Variants in PLEKHG2 observed in about 807,000 individuals in gnomAD.
PLEKHG2 encodes pleckstrin homology domain-containing family G member 2.
Under a neutral mutation model 104.4 loss-of-function variants are expected in PLEKHG2, and 71 were observed. The ratio of observed to expected loss-of-function variants is 0.68; its 90% CI spans 0.56 to 0.83. The LOEUF (loss-of-function observed/expected upper bound fraction) is 0.83, where lower values mean the gene tolerates loss of function less well. PLEKHG2 is among the 40% of genes least tolerant of loss of function. The probability of loss-of-function intolerance (pLI) is 0.00; values close to 1 mark genes in which losing one functional copy is unlikely to be tolerated. For synonymous variants in PLEKHG2, 728 were observed against 737.0 expected, an observed-to-expected ratio of 0.99 and a Z score of 0.20; for missense variants, 1,730 against 1,809.4, an observed-to-expected ratio of 0.96 and a Z score of 0.80.
intron 16 of PLEKHG2, chr19:39,421,765 C>T (rs1177574563): frequency 4.4e-6 from 1 of 224,878 alleles, no homozygotes; most frequent in Middle Eastern, 1.6e-3. Context: ...ACCTGTAATC[C>T]CAGCACTTTG....
At position 39,412,862 on chromosome 19, in the gene PLEKHG2, G is replaced by C. The variant is rs2078542004; in HGVS notation, c.-573G>C. 2 of 152,340 alleles carry C rather than the reference G, an allele frequency of 1.3e-5. No homozygotes were observed. The highest frequency in any genetic ancestry group is 4.1e-4 in the South Asian group (2 of 4,836). The allele number at this position is 152,340 out of a possible 1,614,324, so 9.4% of individuals were successfully genotyped here. On this transcript the variant is annotated 5_prime_UTR_variant, in exon 1 of 19. Transcript: ENST00000425673. ...GCGCCCCCTCCTGGAGCAGCCGGGA[G>C]CCCGGACGTCACCCCGCGAGACCCT...
intron 11 of PLEKHG2, among the ~76,000 whole-genome samples, chr19:39,420,283 C>T (rs978538181): frequency 1.3e-5 from 2 of 151,566 alleles, no homozygotes; most frequent in African/African-American, 4.9e-5. Flanking sequence ...CGCTTGAACC[C>T]AGGAGGCAGA....
At position 39,416,572 on chromosome 19, in the gene PLEKHG2, A is replaced by C; in HGVS notation, c.568A>C (p.Thr190Pro). The part of the protein sequence containing the change: ...VQRSEDFDIY[T>P]LYCMNYPSSL... ...GCAGAGCGAGGATTTTGACATCTACACATTGTACTGCATGAACTACCCGAG... is the reference window on the plus strand; with the variant it reads ...GCAGAGCGAGGATTTTGACATCTACCCATTGTACTGCATGAACTACCCGAG... Residue 190 changes from threonine to proline, a missense_variant, in exon 6 of 19, where the codon ACA becomes CCA. Physicochemically the swap from Thr to Pro is conservative, Grantham distance 38 (BLOSUM62 -1). Coordinates refer to ENST00000425673, the MANE Select transcript of PLEKHG2 (RefSeq NM_022835.3). The surrounding 1 kb of genome is among the most constrained non-coding windows in gnomAD (Gnocchi z 4.5). 6.2e-7 allele frequency: 1 copy of C among 1,613,870 alleles called. No homozygotes were observed. The highest frequency in any genetic ancestry group is 8.5e-7 in the Non-Finnish European group (1 of 1,179,970).
In PLEKHG2 at chr19:39,416,330, CT is replaced by C; in HGVS notation, c.480-17del. 6.2e-7 allele frequency: 1 copy of C among 1,612,038 alleles called. No homozygotes were observed. The highest frequency in any genetic ancestry group is 8.5e-7 in the Non-Finnish European group (1 of 1,179,454). ...TCGTGAAGGCAGGCGGTTCCTCACC[CT>C]CCCCTCTCCCCTGTAGCGAGCTCCT... is the stretch of plus-strand genomic sequence containing the variant. On this transcript the variant is annotated splice_polypyrimidine_tract_variant and intron_variant, in intron 4 of 18. Coordinates refer to ENST00000425673, the MANE Select transcript of PLEKHG2 (RefSeq NM_022835.3). The surrounding 1 kb of genome is among the most constrained non-coding windows in gnomAD (Gnocchi z 4.5).
chr19:39,421,283 C>T lies in PLEKHG2; in HGVS notation c.1487C>T (p.Ala496Val), dbSNP rs750940419. The T allele has an allele frequency of 6.2e-7, 1 of 1,613,860 alleles. No individual in the cohort carries two copies. The highest frequency in any genetic ancestry group is 8.5e-7 in the Non-Finnish European group (1 of 1,179,770). The change falls in exon 16 of 19, where the codon GCT (alanine) becomes GTT (valine). Residue 496 changes from alanine (A) to valine (V), a missense_variant and splice_region_variant. Ala to Val is a moderately conservative substitution (Grantham distance 64). Coordinates refer to ENST00000425673, the MANE Select transcript of PLEKHG2 (RefSeq NM_022835.3). ...CTCTCTCTCATCTCTCCATCCTTAG[C>T]TAAGCCTGGATTCAAGGTAAGAGAT... ...KDPYVMFPQN[A>V]KPGFKHAGSE...
intron 7 of PLEKHG2, 99 bp from the exon 8 acceptor site, chr19:39,417,456 G>C (rs1482960905): frequency 6.9e-7 from 1 of 1,458,226 alleles, no homozygotes; most frequent in Non-Finnish European, 9.2e-7. Context: ...CCTGGCCTCT[G>C]CCCCTATCTT....
chr19:39,423,250 A>G lies in PLEKHG2; in HGVS notation c.2196A>G (p.Pro732=), dbSNP rs1386198422. The change falls in exon 18 of 19, where the codon CCA becomes CCG. Residue 732 remains proline (P), a synonymous_variant. Transcript: ENST00000425673. Reference sequence around the variant, plus strand: ...CGCCTTCAGGAGGCAAGGCAGGGCCAGAGGAGGATGAAGAAGGGGTATCAT... The same window carrying G: ...CGCCTTCAGGAGGCAAGGCAGGGCCGGAGGAGGATGAAGAAGGGGTATCAT... ...GEPPSGGKAG[P]EEDEEGVSFT... 1 of 1,613,960 alleles carries G rather than the reference A, an allele frequency of 6.2e-7. No individual in the cohort carries two copies. Among genetic ancestry groups the G allele is most frequent in the Non-Finnish European group, 8.5e-7 (1 of 1,179,912 alleles).
In PLEKHG2 at chr19:39,420,612, C is replaced by G. The variant is rs749243338; in HGVS notation, c.1264-14C>G. The G allele has an allele frequency of 6.2e-7, 1 of 1,614,158 alleles. No homozygotes were observed. Among genetic ancestry groups the G allele is most frequent in the African/African-American group, 1.3e-5 (1 of 75,046 alleles). On this transcript the variant is annotated splice_polypyrimidine_tract_variant and intron_variant, in intron 11 of 18. Transcript: ENST00000425673. ...AGATCGACCCACCTCAGCCCTCATCCTCCTGTCTTTCAGGCAAAGCAAGTT... is the reference window on the plus strand; with the variant it reads ...AGATCGACCCACCTCAGCCCTCATCGTCCTGTCTTTCAGGCAAAGCAAGTT...
chr19:39,424,867 C>G lies in PLEKHG2; in HGVS notation c.3734C>G (p.Ala1245Gly). ...MVLSKPGGSL[A>G]SHVARLESSD... ...TTGTCCAAACCAGGAGGCTCCTTAG[C>G]CTCTCACGTTGCCAGGTTGGAGTCT... Residue 1245 changes from alanine (A) to glycine (G), a missense_variant, in exon 19 of 19, where the codon GCC becomes GGC. By Grantham distance (60) the Ala-to-Gly change is moderately conservative. Coordinates refer to ENST00000425673, the MANE Select transcript of PLEKHG2 (RefSeq NM_022835.3). The G allele has an allele frequency of 6.2e-7, 1 of 1,614,208 alleles. No individual in the cohort carries two copies. Among genetic ancestry groups the G allele is most frequent in the Non-Finnish European group, 8.5e-7 (1 of 1,180,044 alleles).
chr19:39,421,759 G>A, intron 16 of PLEKHG2: 1 of 226,418 alleles, frequency 4.4e-6, no homozygotes, highest in Non-Finnish European at 8.6e-6. Context: ...TGGCTCACCT[G>A]TAATCCCAGC....
chr19:39,421,008 C>A lies in PLEKHG2; in HGVS notation c.1447+12C>A. On this transcript the variant is annotated intron_variant, in intron 14 of 18. Transcript: ENST00000425673. ...CCGCAGGCAGTCTGGTGAGCACTCACCCCTAAGGGTGATCCAGGCATCGGG... is the reference window on the plus strand; with the variant it reads ...CCGCAGGCAGTCTGGTGAGCACTCAACCCTAAGGGTGATCCAGGCATCGGG... 6.2e-7 allele frequency: 1 copy of A among 1,614,104 alleles called. No individual in the cohort carries two copies.
chr19:39,417,135 C>T (rs1448908943), intron 7 of PLEKHG2, 135 bp downstream of exon 7: 3 of 1,027,870 alleles, frequency 2.9e-6, no homozygotes, highest in East Asian at 5.4e-5. Flanking sequence ...AGGCGTGAGC[C>T]ACCGCGCACA....
chr19:39,418,120 G>A lies in PLEKHG2; in HGVS notation c.1083+15G>A, dbSNP rs550100785. ...GCCACATCTTCGTGAGTTTGGGGAT[G>A]GGGTGGGGCTAGAATACTACCTACA... On this transcript the variant is annotated intron_variant, in intron 9 of 18. Transcript: ENST00000425673. 15 of 1,494,502 alleles carry A rather than the reference G, an allele frequency of 1.0e-5. No individual in the cohort carries two copies. In the Admixed American group the frequency reaches 2.9e-4, roughly 29 times the overall value. The allele number at this position is 1,494,502 out of a possible 1,614,324, so 92.6% of individuals were successfully genotyped here.
At position 39,415,317 on chromosome 19, in the gene PLEKHG2, A is replaced by G. The variant is rs1336934661; in HGVS notation, c.379-22A>G. 9 of 1,612,196 alleles carry G rather than the reference A, an allele frequency of 5.6e-6. No individual in the cohort carries two copies. The highest frequency in any genetic ancestry group is 5.3e-5 in the African/African-American group (4 of 74,914). Reference sequence around the variant, plus strand: ...TACCCAGGCCAGCCCCTTGGCCCCCATAACCCCAGTCATCCCAACAGGACT... The same window carrying G: ...TACCCAGGCCAGCCCCTTGGCCCCCGTAACCCCAGTCATCCCAACAGGACT... On this transcript the variant is annotated intron_variant, in intron 3 of 18. Coordinates refer to ENST00000425673, the MANE Select transcript of PLEKHG2 (RefSeq NM_022835.3). The surrounding 1 kb of genome is among the most constrained non-coding windows in gnomAD (Gnocchi z 4.6).
Position 39,425,461 on chromosome 19 carries a change from G to T in PLEKHG2, c.*167G>T. 1.9e-6 allele frequency: 2 copies of T among 1,040,302 alleles called. No individual in the cohort carries two copies. Among genetic ancestry groups the T allele is most frequent in the South Asian group, 1.9e-5 (1 of 52,502 alleles). The allele number at this position is 1,040,302 out of a possible 1,614,324, so 64.4% of individuals were successfully genotyped here. On this transcript the variant is annotated 3_prime_UTR_variant, in exon 19 of 19. Coordinates refer to ENST00000425673, the MANE Select transcript of PLEKHG2 (RefSeq NM_022835.3). Reference sequence around the variant, plus strand: ...GGCCCTTCTTGCCTTGATCCACAGGGATGGGGAAGGGAGGAATGTCATTAA... The same window carrying T: ...GGCCCTTCTTGCCTTGATCCACAGGTATGGGGAAGGGAGGAATGTCATTAA...
chr19:39,424,390 A>AT lies in PLEKHG2; in HGVS notation c.3258dup (p.Pro1087SerfsTer130). 6.2e-7 allele frequency: 1 copy of AT among 1,614,014 alleles called. No individual in the cohort carries two copies. Among genetic ancestry groups the AT allele is most frequent in the Non-Finnish European group, 8.5e-7 (1 of 1,179,976 alleles). On this transcript the variant is annotated frameshift_variant, in exon 19 of 19. Coordinates refer to ENST00000425673, the MANE Select transcript of PLEKHG2 (RefSeq NM_022835.3). LOFTEE classifies it low-confidence loss of function (END_TRUNC). The stretch of plus-strand genomic sequence containing the variant: ...TTGTCTTGGCATGGAAGCAGCCTGG[A>AT]TCCCCAGGGCCCAGGCGACACCCTA...
Position 39,416,599 on chromosome 19 carries a change from T to A in PLEKHG2, c.593+2T>A, listed in dbSNP as rs753710511. On this transcript the variant is annotated splice_donor_variant, in intron 6 of 18. Coordinates refer to ENST00000425673, the MANE Select transcript of PLEKHG2 (RefSeq NM_022835.3). LOFTEE classifies it high-confidence loss of function. The surrounding 1 kb of genome is among the most constrained non-coding windows in gnomAD (Gnocchi z 4.5). ...ATTGTACTGCATGAACTACCCGAGG[T>A]GAGGGGCAGGAGCCCCTGCTGGGCC... 1.2e-6 allele frequency: 2 copies of A among 1,613,634 alleles called. No individual in the cohort carries two copies.
In PLEKHG2 at chr19:39,416,713, G is replaced by T; in HGVS notation, c.593+116G>T. 6.8e-7 allele frequency: 1 copy of T among 1,473,024 alleles called. No individual in the cohort carries two copies. The allele number at this position is 1,473,024 out of a possible 1,614,324, so 91.2% of individuals were successfully genotyped here. On this transcript the variant is annotated intron_variant, in intron 6 of 18. Transcript: ENST00000425673. This position sits in a 1 kb window ranked among gnomAD's most constrained non-coding sequence, Gnocchi z 4.5. Reference sequence around the variant, plus strand: ...CCAGCACCGACCCCTGCCAGGCTGTGACAGTAACTGACCTCTCCCTCACTG... The same window carrying T: ...CCAGCACCGACCCCTGCCAGGCTGTTACAGTAACTGACCTCTCCCTCACTG...
chr19:39,414,262 G>A (rs2078566168), intron 2 of PLEKHG2, 67 bp downstream of exon 2: 4 of 1,466,142 alleles, frequency 2.7e-6, no homozygotes, highest in Non-Finnish European at 3.7e-6. Flanking sequence ...TGTCAAGGCA[G>A]GGTGATGGAG....
Sources: allele counts gnomAD v4.1 joint callset (sites outside exome capture counted in the v4.1 genomes callset), GRCh38; gene constraint gnomAD v4.1.1; non-coding constraint Gnocchi (gnomAD v3.1); transcripts MANE v1.5; gene names NCBI Gene and HGNC (gene_info 2026-07-23, HGNC 2026-07-21).